Variants in RPA1 observed in about 807,000 individuals in gnomAD.
RPA1 encodes replication protein A 70 kDa DNA-binding subunit.
In RPA1, 49 loss-of-function variants were observed where a neutral mutation model predicts 83.0. That is an observed-to-expected ratio of 0.59 (90% CI 0.47 to 0.75). The LOEUF (loss-of-function observed/expected upper bound fraction) is 0.75, where lower values mean the gene tolerates loss of function less well. Ranked by LOEUF, RPA1 falls within the 30% of genes least tolerant of loss-of-function variation. The pLI is 0.00. For missense variants in RPA1, 693 were observed against 776.1 expected (o/e 0.89, Z 1.27); for synonymous variants, 279 against 281.8 (o/e 0.99, Z 0.10).
intron 1 of RPA1, among the ~76,000 whole-genome samples, chr17:1,838,223 G>A (rs796510348): frequency 3.3e-5 from 5 of 152,026 alleles, no homozygotes; most frequent in East Asian, 1.9e-4. Flanking sequence ...CCCGGGAGGC[G>A]GAGCTTGTAG....
chr17:1,873,461 C>T (rs1410839135), intron 6 of RPA1, among the ~76,000 whole-genome samples: 3 of 152,092 alleles, frequency 2.0e-5, no homozygotes, highest in Admixed American at 6.6e-5. Flanking sequence ...GCTTCACATA[C>T]ACCTCCTCTC....
intron 6 of RPA1, 94 bp from the exon 7 acceptor site, chr17:1,875,567 G>C: frequency 7.4e-7 from 1 of 1,354,400 alleles, no homozygotes; most frequent in East Asian, 2.4e-5. Context: ...TTTCACTAGT[G>C]GCACCTCCAA....
Position 1,898,499 on chromosome 17 carries a change from C to T in RPA1, c.*1324C>T, listed in dbSNP as rs766875697. 1 of 152,288 alleles carries T rather than the reference C, an allele frequency of 6.6e-6. No homozygotes were observed. Among genetic ancestry groups the T allele is most frequent in the Non-Finnish European group, 1.5e-5 (1 of 68,058 alleles). The allele number at this position is 152,288 out of a possible 1,614,324, so 9.4% of individuals were successfully genotyped here. On this transcript the variant is annotated 3_prime_UTR_variant, in exon 17 of 17. Coordinates refer to ENST00000254719, the MANE Select transcript of RPA1 (RefSeq NM_002945.5). ...ACACCGCCTGCCATTGGCCGCACAT[C>T]TCGCCGTCGTACCCCGGCAGTGCGG...
At chr17:1,890,438 G>A (rs1372283188) in intron 14 of RPA1, among the ~76,000 whole-genome samples, 5 of 152,232 alleles carry the variant, frequency 3.3e-5, no homozygotes, top group South Asian at 4.1e-4. Context: ...TGAGGCAGGC[G>A]GATCACGAGG....
Position 1,884,042 on chromosome 17 carries a change from A to G in RPA1, c.1374+98A>G. ...TCCAGCACCAGCTGTCAGAGCCGTA[A>G]TTCTTACCCGGGGCTGTGACCTGAG... On this transcript the variant is annotated intron_variant, in intron 13 of 16. Coordinates refer to ENST00000254719, the MANE Select transcript of RPA1 (RefSeq NM_002945.5). The surrounding 1 kb of genome is among the most constrained non-coding windows in gnomAD (Gnocchi z 4.1). 1 of 1,532,110 alleles carries G rather than the reference A, an allele frequency of 6.5e-7. No homozygotes were observed. The highest frequency in any genetic ancestry group is 8.9e-7 in the Non-Finnish European group (1 of 1,124,350). 94.9% of individuals were successfully genotyped at this position (1,532,110 alleles called of 1,614,324 possible). A position where few individuals can be genotyped will look rare whatever the true frequency, so the allele number is the denominator to read the frequency against.
chr17:1,853,013 A>G (rs1851833955), intron 4 of RPA1, 88 bp from the exon 5 acceptor site: 1 of 970,460 alleles, frequency 1.0e-6, no homozygotes. Flanking sequence ...AGTTCATCAC[A>G]ATGATCATCG....
intron 5 of RPA1, among the ~76,000 whole-genome samples, chr17:1,867,425 G>A (rs1913217338): frequency 6.6e-6 from 1 of 152,094 alleles, no homozygotes; most frequent in South Asian, 2.1e-4. Flanking sequence ...AGTGAAGATG[G>A]GCTGGGCTCA....
intron 4 of RPA1, among the ~76,000 whole-genome samples, chr17:1,851,507 C>T (rs1041734092): frequency 3.9e-5 from 6 of 152,126 alleles, no homozygotes; most frequent in Non-Finnish European, 7.4e-5. Context: ...CTTAATGTGT[C>T]CTTGTCATCT....
At chr17:1,896,408 C>G (rs772279861) in intron 16 of RPA1, among the ~76,000 whole-genome samples, 4 of 152,138 alleles carry the variant, frequency 2.6e-5, no homozygotes, top group Non-Finnish European at 5.9e-5. Context: ...GTAGAAACGC[C>G]CCTGCTGATT....
chr17:1,867,824 A>G (rs1479268013), intron 5 of RPA1, among the ~76,000 whole-genome samples: 1 of 151,606 alleles, frequency 6.6e-6, no homozygotes. Context: ...GACACCTGTA[A>G]TCGCAGCACT....
intron 14 of RPA1, 181 bp from the exon 15 acceptor site, chr17:1,891,652 T>G: frequency 2.5e-6 from 1 of 403,180 alleles, no homozygotes. Context: ...ACTCCTGGCC[T>G]CAAGTGTTCC....
chr17:1,888,534 T>C, intron 13 of RPA1, 141 bp from the exon 14 acceptor site: 1 of 755,236 alleles, frequency 1.3e-6, no homozygotes, highest in Admixed American at 3.2e-5. Context: ...ACAGAATGAA[T>C]GATTCCCTGT....
At chr17:1,839,405 A>T (rs1046931214) in intron 1 of RPA1, among the ~76,000 whole-genome samples, 1 of 147,560 alleles carries the variant, frequency 6.8e-6, no homozygotes, top group Non-Finnish European at 1.5e-5. Flanking sequence ...GGCTCACTGC[A>T]ACCTCCACCT....
rs373345517 is a variant in RPA1 at position 1,848,161 on chromosome 17, T to C, written c.272+3475T>C. Among the ~76,000 whole-genome samples the C allele has an allele frequency of 6.6e-5, 10 of 152,320 alleles. No individual in the cohort carries two copies. The East Asian group carries it at 1.2e-3, about 18-fold the overall frequency. On this transcript the variant is annotated intron_variant, in intron 4 of 16. Transcript: ENST00000254719. ...GTGTTCTAAAGTGAGGTAGTGGTGATGCTTGCATAACTGCAAAATGCAAAA... is the reference window on the plus strand; with the variant it reads ...GTGTTCTAAAGTGAGGTAGTGGTGACGCTTGCATAACTGCAAAATGCAAAA...
In RPA1 at chr17:1,843,927, G is replaced by A. The variant is rs1238804059; in HGVS notation, c.92G>A (p.Arg31His). The change falls in exon 3 of 17, where the codon CGT (arginine) becomes CAT (histidine). Residue 31 changes from arginine to histidine, a missense_variant. By Grantham distance (29) the Arg-to-His change is conservative. Transcript: ENST00000254719. ...IKPILQVINI[R>H]PITTGNSPPR... is the part of the protein sequence containing the mutation. The stretch of plus-strand genomic sequence containing the variant: ...TCAAGTTTTCTGTCCTAGAACATCC[G>A]TCCCATTACTACGGGGAATAGTCCG... 3.1e-6 allele frequency: 5 copies of A among 1,613,678 alleles called. No homozygotes were observed. Among genetic ancestry groups the A allele is most frequent in the African/African-American group, 1.3e-5 (1 of 75,006 alleles).
chr17:1,854,155 C>A (rs1912602420), intron 5 of RPA1: 1 of 152,100 alleles, frequency 6.6e-6, no homozygotes, highest in Non-Finnish European at 1.5e-5. Flanking sequence ...AAAAAAAAGT[C>A]ATTACTTCAG....
chr17:1,846,600 G>A (rs945569641), intron 4 of RPA1, among the ~76,000 whole-genome samples: 24 of 152,104 alleles, frequency 1.6e-4, no homozygotes, highest in African/African-American at 5.6e-4. Flanking sequence ...GATTACAGGC[G>A]TGAGCCACCG....
intron 5 of RPA1, among the ~76,000 whole-genome samples, chr17:1,860,704 C>A (rs1161302551): frequency 6.6e-6 from 1 of 152,120 alleles, no homozygotes; most frequent in Admixed American, 6.6e-5. Context: ...GGATTTGTTT[C>A]CGTCAGTTGA....
intron 6 of RPA1, among the ~76,000 whole-genome samples, chr17:1,872,843 G>T (rs1380934970): frequency 6.6e-6 from 1 of 151,652 alleles, no homozygotes; most frequent in Non-Finnish European, 1.5e-5. Context: ...ACCATGCCTG[G>T]CTAATTTTTT....
Sources: gnomAD v4.1 joint callset for allele counts (sites outside exome capture counted in the v4.1 genomes callset) on GRCh38, gnomAD v4.1.1 for gene constraint, Gnocchi (gnomAD v3.1) non-coding constraint, MANE v1.5 for transcripts, NCBI Gene and HGNC (gene_info 2026-07-23, HGNC 2026-07-21) for gene names.